Variants in PTPRD observed in about 807,000 individuals in gnomAD.
PTPRD encodes the protein receptor-type tyrosine-protein phosphatase delta.
PTPRD carries 34 observed loss-of-function variants against 214.5 expected under a neutral mutation model. That is an observed-to-expected ratio of 0.16 (90% CI 0.12 to 0.21). The LOEUF is 0.21. Ranked by LOEUF, PTPRD falls within the 10% of genes least tolerant of loss-of-function variation. The pLI is 1.00. For synonymous variants in PTPRD, 1,128 were observed against 845.7 expected (o/e 1.33, Z -5.79); for missense variants, 2,545 against 2,398.7 (o/e 1.06, Z -1.27).
intron 11 of PTPRD, among the ~76,000 whole-genome samples, chr9:8,761,123 T>C (rs1413700741): frequency 6.6e-6 from 1 of 152,172 alleles, no homozygotes; most frequent in Non-Finnish European, 1.5e-5. Context: ...AGAAGCTGAT[T>C]TCATTTATTT....
intron 14 of PTPRD, among the ~76,000 whole-genome samples, chr9:8,586,323 T>C (rs940578023): frequency 1.3e-5 from 2 of 152,114 alleles, no homozygotes; most frequent in African/African-American, 4.8e-5. Flanking sequence ...ATTTATAATA[T>C]CTTGTGTATT....
intron 2 of PTPRD, among the ~76,000 whole-genome samples, chr9:10,492,959 T>A (rs2040829903): frequency 6.6e-6 from 1 of 151,924 alleles, no homozygotes; most frequent in South Asian, 2.1e-4. Context: ...ACACAAATAA[T>A]AGACAAATAG....
intron 11 of PTPRD, among the ~76,000 whole-genome samples, chr9:8,863,846 T>C (rs1224707072): frequency 6.6e-6 from 1 of 152,226 alleles, no homozygotes; most frequent in African/African-American, 2.4e-5. Context: ...TTTTAAATTA[T>C]ATCTTCAGTA....
intron 3 of PTPRD, among the ~76,000 whole-genome samples, chr9:10,245,970 G>C (rs2092015374): frequency 6.6e-6 from 1 of 152,070 alleles, no homozygotes; most frequent in African/African-American, 2.4e-5. Context: ...CCAAAAGCAA[G>C]AATTGAACAT....
At chr9:8,800,377 G>C (rs1050820153) in intron 11 of PTPRD, among the ~76,000 whole-genome samples, 1 of 152,160 alleles carries the variant, frequency 6.6e-6, no homozygotes, top group Non-Finnish European at 1.5e-5. Context: ...TTCCCAGACA[G>C]TGAAGGCATT....
intron 2 of PTPRD, among the ~76,000 whole-genome samples, chr9:10,491,673 A>C (rs146826247): frequency 6.6e-6 from 1 of 152,158 alleles, no homozygotes; most frequent in African/African-American, 2.4e-5. Context: ...AGAAAAAAGT[A>C]GTATTTCTAA....
chr9:9,213,035 A>C (rs2099949819), intron 9 of PTPRD, among the ~76,000 whole-genome samples: 1 of 152,172 alleles, frequency 6.6e-6, no homozygotes, highest in Admixed American at 6.6e-5. Context: ...ATGGTGATTA[A>C]AATTTTAATT....
intron 14 of PTPRD, among the ~76,000 whole-genome samples, chr9:8,611,143 C>A (rs540790012): frequency 6.6e-6 from 1 of 152,284 alleles, no homozygotes; most frequent in African/African-American, 2.4e-5. Flanking sequence ...TTACTTTTCA[C>A]AACTGAGAAT....
At chr9:9,381,886 A>T (rs1596759095) in intron 9 of PTPRD, among the ~76,000 whole-genome samples, 1 of 144,646 alleles carries the variant, frequency 6.9e-6, no homozygotes, top group South Asian at 2.2e-4. Context: ...GAAATTTAGT[A>T]TTGTTTTGAC....
intron 2 of PTPRD, among the ~76,000 whole-genome samples, chr9:10,523,139 G>T (rs772899926): frequency 2.0e-5 from 3 of 151,876 alleles, no homozygotes; most frequent in African/African-American, 2.4e-5. Context: ...AGAGTGGTAG[G>T]TCTTGCCAAT....
intron 9 of PTPRD, among the ~76,000 whole-genome samples, chr9:9,262,863 C>T (rs184812950): frequency 2.0e-5 from 3 of 151,644 alleles, no homozygotes; most frequent in African/African-American, 4.8e-5. Flanking sequence ...GATTAATTTC[C>T]GTTTTCTATG....
chr9:8,341,054 A>C, intron 41 of PTPRD, 36 bp downstream of exon 41: 1 of 1,530,012 alleles, frequency 6.5e-7, no homozygotes, highest in Non-Finnish European at 8.8e-7. Flanking sequence ...TGTAAATATC[A>C]AGGCTTTGGA....
intron 8 of PTPRD, among the ~76,000 whole-genome samples, chr9:9,399,403 A>C (rs1206429454): frequency 6.6e-6 from 1 of 152,036 alleles, no homozygotes; most frequent in African/African-American, 2.4e-5. Flanking sequence ...ACACACAATT[A>C]CAATTTTTCT....
Position 8,317,952 on chromosome 9 carries a change from A to G in PTPRD, c.5671-10T>C. 6.2e-7 allele frequency: 1 copy of G among 1,611,218 alleles called. No individual in the cohort carries two copies. Among genetic ancestry groups the G allele is most frequent in the Non-Finnish European group, 8.5e-7 (1 of 1,177,968 alleles). On this transcript the variant is annotated splice_polypyrimidine_tract_variant and intron_variant, in intron 45 of 45. Transcript: ENST00000381196. ...AAAACTGATATTGATCCTGCAGGAGACAATGAATGGGGAGAAGCAAAAGAA... is the reference window on the plus strand; with the variant it reads ...AAAACTGATATTGATCCTGCAGGAGGCAATGAATGGGGAGAAGCAAAAGAA...
At chr9:8,332,328 T>A (rs527963194) in intron 43 of PTPRD, among the ~76,000 whole-genome samples, 1 of 152,120 alleles carries the variant, frequency 6.6e-6, no homozygotes, top group African/African-American at 2.4e-5. Flanking sequence ...TTAACCTGGA[T>A]GCCCCCCATG....
chr9:10,347,475 A>G (rs1465881080), intron 2 of PTPRD, among the ~76,000 whole-genome samples: 1 of 150,564 alleles, frequency 6.6e-6, no homozygotes, highest in Non-Finnish European at 1.5e-5. Flanking sequence ...CAACGGCACA[A>G]TCTCGGCTCA....
chr9:10,148,508 C>T (rs975603880), intron 3 of PTPRD, among the ~76,000 whole-genome samples: 2 of 152,074 alleles, frequency 1.3e-5, no homozygotes, highest in Non-Finnish European at 2.9e-5. Context: ...TCACAGTATG[C>T]TATGTATCAT....
chr9:8,483,451 G>A (rs1361417600), intron 30 of PTPRD, among the ~76,000 whole-genome samples: 3 of 151,828 alleles, frequency 2.0e-5, no homozygotes, highest in Non-Finnish European at 4.4e-5. Flanking sequence ...CATAAACTAT[G>A]ACATAAAATG....
intron 9 of PTPRD, among the ~76,000 whole-genome samples, chr9:9,368,273 T>C (rs369022336): frequency 3.3e-5 from 5 of 151,748 alleles, no homozygotes; most frequent in African/African-American, 1.2e-4. Flanking sequence ...ATAGAAATTA[T>C]GACTTGAGCC....
Sources: allele counts gnomAD v4.1 joint callset (sites outside exome capture counted in the v4.1 genomes callset), GRCh38; gene constraint gnomAD v4.1.1; transcripts MANE v1.5; gene names NCBI Gene and HGNC (gene_info 2026-07-23, HGNC 2026-07-21).